MGLL: variants seen among roughly 807,000 people sequenced by gnomAD.
MGLL encodes lysophospholipase homolog.
A neutral mutation model predicts 29.1 loss-of-function variants in MGLL; 7 were observed. The ratio of observed to expected loss-of-function variants is 0.24; its 90% confidence interval spans 0.14 to 0.45. The LOEUF is 0.45. MGLL is among the 20% of genes least tolerant of loss of function. The pLI, the probability that MGLL is intolerant of heterozygous loss-of-function variation, is 0.99. For missense variants in MGLL, 356 were observed against 413.6 expected, an observed-to-expected ratio of 0.86 and a Z score of 1.21; for synonymous variants, 148 against 168.3, an observed-to-expected ratio of 0.88 and a Z score of 0.93.
chr3:127,711,416 C>G (rs1329325284), intron 5 of MGLL: 1 of 152,434 alleles, frequency 6.6e-6, no homozygotes, highest in African/African-American at 2.4e-5. Flanking sequence ...ACCTTCCCAC[C>G]CCCTCCCCCA....
intron 2 of MGLL, among the ~76,000 whole-genome samples, chr3:127,796,636 C>A (rs2077387288): frequency 6.6e-6 from 1 of 152,184 alleles, no homozygotes; most frequent in Non-Finnish European, 1.5e-5. Context: ...TATCATACAA[C>A]CCTCAAAACA....
intron 6 of MGLL, among the ~76,000 whole-genome samples, chr3:127,702,939 C>T (rs1398867597): frequency 6.6e-6 from 1 of 152,200 alleles, no homozygotes; most frequent in Admixed American, 6.5e-5. Flanking sequence ...AGGTGATCTG[C>T]CCACCTCGGC....
chr3:127,722,453 C>G lies in MGLL; in HGVS notation c.376G>C (p.Val126Leu), dbSNP rs1179557747. 1.9e-6 allele frequency: 3 copies of G among 1,614,250 alleles called. No individual in the cohort carries two copies. Among genetic ancestry groups the G allele is most frequent in the South Asian group, 1.1e-5 (1 of 91,086 alleles). ...ACCATGGAGTGGCCCAGAAGGAAGACAGGAAGCCCAGGGTAGTCTTTCTGC... is the reference window on the plus strand; with the variant it reads ...ACCATGGAGTGGCCCAGAAGGAAGAGAGGAAGCCCAGGGTAGTCTTTCTGC... ...SMQKDYPGLPVFLLGHSMGGA... is the reference protein window; with the variant it reads ...SMQKDYPGLPLFLLGHSMGGA... The change falls in exon 4 of 8, where the codon GTC becomes CTC. Residue 126 changes from valine to leucine, a missense_variant. Val to Leu is a conservative substitution (Grantham distance 32). Transcript: ENST00000265052.
At chr3:127,778,621 G>A (rs1041244718) in intron 3 of MGLL, among the ~76,000 whole-genome samples, 6 of 152,200 alleles carry the variant, frequency 3.9e-5, no homozygotes, top group African/African-American at 1.2e-4. Flanking sequence ...CTAAAGACAT[G>A]GGAGGTTTGG....
intron 3 of MGLL, among the ~76,000 whole-genome samples, chr3:127,734,624 G>A (rs1378742095): frequency 6.6e-6 from 1 of 152,202 alleles, no homozygotes; most frequent in Non-Finnish European, 1.5e-5. Context: ...ATTAAAAGAT[G>A]AAAGAACACA....
At chr3:127,725,849 T>C (rs1475197288) in intron 3 of MGLL, among the ~76,000 whole-genome samples, 1 of 152,084 alleles carries the variant, frequency 6.6e-6, no homozygotes, top group African/African-American at 2.4e-5. Flanking sequence ...AAAGATCGCT[T>C]GAGGCCAAGA....
chr3:127,812,092 T>C (rs2077673125), intron 2 of MGLL, among the ~76,000 whole-genome samples: 1 of 152,144 alleles, frequency 6.6e-6, no homozygotes, highest in African/African-American at 2.4e-5. Context: ...GATAACGTAA[T>C]CAGGACGAAA....
intron 6 of MGLL, among the ~76,000 whole-genome samples, chr3:127,698,546 G>C (rs191159151): frequency 1.4e-4 from 22 of 152,264 alleles, no homozygotes; most frequent in Admixed American, 1.4e-3. Context: ...CAAAACTAGA[G>C]AAACAGAGAC....
intron 3 of MGLL, among the ~76,000 whole-genome samples, chr3:127,754,035 T>C (rs2076609486): frequency 6.6e-6 from 1 of 152,196 alleles, no homozygotes; most frequent in African/African-American, 2.4e-5. Context: ...ACAGTAGCTG[T>C]TTCTGTTGGC....
At chr3:127,793,172 G>A (rs9842875) in intron 2 of MGLL, among the ~76,000 whole-genome samples, 14,728 of 152,200 alleles carry the variant, frequency 0.097, 971 homozygotes, top group South Asian at 0.15. Context: ...GACCAGGCAC[G>A]TGGCAGAATG....
At chr3:127,741,525 C>T (rs1011643713) in intron 3 of MGLL, among the ~76,000 whole-genome samples, 3 of 152,232 alleles carry the variant, frequency 2.0e-5, no homozygotes, top group Admixed American at 6.5e-5. Flanking sequence ...CACCACGATG[C>T]GTGTGTTACA....
intron 2 of MGLL, among the ~76,000 whole-genome samples, chr3:127,814,104 G>T (rs866869685): frequency 4.0e-5 from 6 of 151,792 alleles, no homozygotes; most frequent in Non-Finnish European, 7.4e-5. Flanking sequence ...TCCCTGGAAG[G>T]TGAGGCATAC....
rs149302095 is a variant in MGLL, at chr3:127,691,696, G to C, written c.*502C>G. The C allele has an allele frequency of 5.9e-6, 1 of 170,312 alleles. No homozygotes were observed. Among genetic ancestry groups the C allele is most frequent in the Non-Finnish European group, 1.3e-5 (1 of 78,300 alleles). The allele number at this position is 170,312 out of a possible 1,614,324, so 10.6% of individuals were successfully genotyped here. The stretch of plus-strand genomic sequence containing the variant: ...CATTTTCTGAGCCTCAGAGGGGCAC[G>C]TGAGTCTGCCCTGGGGAGCTGGCCC... On this transcript the variant is annotated 3_prime_UTR_variant, in exon 8 of 8. Coordinates refer to ENST00000265052, the MANE Select transcript of MGLL (RefSeq NM_007283.7).
chr3:127,784,251 A>G (rs1472819345), intron 2 of MGLL, among the ~76,000 whole-genome samples: 1 of 152,206 alleles, frequency 6.6e-6, no homozygotes, highest in Non-Finnish European at 1.5e-5. Context: ...GGAGCTTTCA[A>G]AAAGGCTGAT....
intron 2 of MGLL, among the ~76,000 whole-genome samples, chr3:127,807,404 T>C (rs1426990316): frequency 6.6e-6 from 1 of 152,156 alleles, no homozygotes; most frequent in Non-Finnish European, 1.5e-5. Context: ...ATTTTATTGG[T>C]ATTTTCAAAT....
chr3:127,727,704 TAAAAAAAAAAAAAA>T (rs1177079179), intron 3 of MGLL, among the ~76,000 whole-genome samples: 1 of 80,712 alleles, frequency 1.2e-5, no homozygotes, highest in Non-Finnish European at 2.3e-5. Flanking sequence ...AGAGCAAGGC[TAAAAAAAAAAAAAA>T]AAAAAAAAAA....
rs542216481 is a variant in MGLL at position 127,755,658 on chromosome 3, C to T, written c.262+26131G>A. Reference sequence around the variant, plus strand: ...GGCCCCAGAGAATGCATCCAACCTTCTGTCTCCCCAGATATACCGGGCAGA... The same window carrying T: ...GGCCCCAGAGAATGCATCCAACCTTTTGTCTCCCCAGATATACCGGGCAGA... On this transcript the variant is annotated intron_variant, in intron 3 of 7. Transcript: ENST00000265052. Among the ~76,000 whole-genome samples the T allele has an allele frequency of 3.3e-5, 5 of 152,368 alleles. No individual in the cohort carries two copies. In the East Asian group the frequency reaches 7.7e-4, roughly 23 times the overall value.
intron 2 of MGLL, among the ~76,000 whole-genome samples, chr3:127,783,135 C>G (rs1264836681): frequency 2.1e-5 from 2 of 93,332 alleles, no homozygotes; most frequent in Non-Finnish European, 3.8e-5. Flanking sequence ...CAGAGTGGGA[C>G]TCTGTCTCAA....
intron 5 of MGLL, chr3:127,716,054 C>A: frequency 2.9e-6 from 1 of 342,748 alleles, no homozygotes. Flanking sequence ...GTTTGTGTAA[C>A]CACAGAGCTC....
Sources: gnomAD v4.1 joint callset for allele counts (sites outside exome capture counted in the v4.1 genomes callset) on GRCh38, gnomAD v4.1.1 for gene constraint, MANE v1.5 for transcripts, NCBI Gene and HGNC (gene_info 2026-07-23, HGNC 2026-07-21) for gene names.